The following KLF8 variants were observed in gnomAD, a reference collection of about 807,000 sequenced individuals.
KLF8 encodes the protein KLF transcription factor 8, also known as Krueppel-like factor 8.
In KLF8, 10 loss-of-function variants were observed where a neutral mutation model predicts 18.2. The ratio of observed to expected loss-of-function variants is 0.55; its 90% CI spans 0.34 to 0.93. The LOEUF (loss-of-function observed/expected upper bound fraction) is 0.93, where lower values mean the gene tolerates loss of function less well. Among genes scored for constraint, KLF8 ranks in the 40% least tolerant of loss-of-function variants. KLF8 has a pLI of 0.02. For missense variants in KLF8, 264 were observed against 277.9 expected, an observed-to-expected ratio of 0.95 and a Z score of 0.36; for synonymous variants, 109 against 97.3, an observed-to-expected ratio of 1.12 and a Z score of -0.71.
the KLF8 span, among the ~76,000 whole-genome samples, chrX:56,153,479 G>C: frequency 9.0e-6 from 1 of 111,580 alleles, no homozygotes; most frequent in Non-Finnish European, 1.9e-5. Context: ...TGTTGTTTTG[G>C]CTCAAACATA....
chrX:56,277,372 C>T (rs2147685199), intron 5 of KLF8, among the ~76,000 whole-genome samples: 1 of 112,257 alleles, frequency 8.9e-6, no homozygotes, highest in South Asian at 3.8e-4. Flanking sequence ...GGGGACACCC[C>T]AAGCCCAGAA....
chrX:56,276,876 A>G (rs921257191), intron 5 of KLF8, among the ~76,000 whole-genome samples: 2 of 111,119 alleles, frequency 1.8e-5, no homozygotes, highest in Non-Finnish European at 3.8e-5. Flanking sequence ...AAGGCCAATA[A>G]CTCTTAGATT....
chrX:55,996,013 G>T, the KLF8 span, among the ~76,000 whole-genome samples: 1 of 110,423 alleles, frequency 9.1e-6, no homozygotes, highest in Admixed American at 9.5e-5. Flanking sequence ...TCATAAGTTT[G>T]GTCTCTTTAC....
At chrX:56,006,679 T>C in the KLF8 span, among the ~76,000 whole-genome samples, 2 of 112,712 alleles carry the variant, frequency 1.8e-5, no homozygotes, top group African/African-American at 6.4e-5. Flanking sequence ...CACTTTTAAA[T>C]GGGATTATTT....
the KLF8 span, among the ~76,000 whole-genome samples, chrX:56,153,217 T>A: frequency 1.8e-5 from 2 of 110,916 alleles, no homozygotes; most frequent in African/African-American, 6.5e-5. Flanking sequence ...TAACGTTACC[T>A]GGGCATGGAG....
In KLF8 at chrX:56,250,300, A is replaced by G. The variant is rs1438658965; in HGVS notation, c.77A>G (p.Lys26Arg). 1.7e-6 allele frequency: 2 copies of G among 1,196,293 alleles called. No homozygotes were observed. Among genetic ancestry groups the G allele is most frequent in the Non-Finnish European group, 1.1e-6 (1 of 881,409 alleles). Residue 26 changes from lysine (K) to arginine (R), a missense_variant, in exon 2 of 6, where the codon AAG becomes AGG. Coordinates refer to ENST00000468660, the MANE Select transcript of KLF8 (RefSeq NM_007250.5). ...GAAGGTGGCTCAATGCAGGTATTCA[A>G]GCAGGTCAGTTATCAGGAAAATAGG... ...NSEGGSMQVF[K>R]QVTASVRNRD...
the KLF8 span, among the ~76,000 whole-genome samples, chrX:56,023,595 A>G: frequency 1.2e-4 from 13 of 111,495 alleles, no homozygotes; most frequent in Non-Finnish European, 1.7e-4. Flanking sequence ...ATATACCTTC[A>G]CCTAAACTGA....
chrX:56,173,353 G>A, the KLF8 span, among the ~76,000 whole-genome samples: 3 of 112,002 alleles, frequency 2.7e-5, no homozygotes, highest in East Asian at 2.8e-4. Flanking sequence ...TTGTTAAATA[G>A]GGAATTGTTT....
the KLF8 span, among the ~76,000 whole-genome samples, chrX:56,076,796 G>A: frequency 8.9e-6 from 1 of 111,817 alleles, no homozygotes; most frequent in East Asian, 2.8e-4. Flanking sequence ...ATCCTCTCCA[G>A]CACATGTTGT....
the KLF8 span, among the ~76,000 whole-genome samples, chrX:56,045,944 T>G: frequency 3.6e-5 from 4 of 111,949 alleles, no homozygotes; most frequent in East Asian, 1.1e-3. Context: ...GGGAATGCTT[T>G]CATCTTTTCC....
At chrX:56,200,216 G>A in the KLF8 span, among the ~76,000 whole-genome samples, 57,940 of 109,166 alleles carry the variant, frequency 0.53, 13,782 homozygotes, top group Non-Finnish European at 0.74. Flanking sequence ...ATGTACCGTA[G>A]AAGTTAAAGT....
the KLF8 span, chrX:55,962,486 C>G: frequency 4.8e-6 from 1 of 206,868 alleles, no homozygotes; most frequent in African/African-American, 3.0e-5. Flanking sequence ...CAAGTAATAT[C>G]ACTGGTGCAA....
At chrX:56,217,745 A>G in the KLF8 span, among the ~76,000 whole-genome samples, 1 of 111,779 alleles carries the variant, frequency 8.9e-6, no homozygotes, top group African/African-American at 3.3e-5. Context: ...AAAAGGCTAA[A>G]GATATTGGTT....
At chrX:56,226,805 G>A in the KLF8 span, among the ~76,000 whole-genome samples, 1 of 111,675 alleles carries the variant, frequency 9.0e-6, no homozygotes, top group Admixed American at 9.6e-5. Flanking sequence ...AATCTGCCTG[G>A]CTTACTCTTT....
chrX:56,128,702 C>G, the KLF8 span, among the ~76,000 whole-genome samples: 1 of 111,627 alleles, frequency 9.0e-6, no homozygotes, highest in African/African-American at 3.3e-5. Context: ...ATGTAATGTA[C>G]CAAATGGGAT....
the KLF8 span, among the ~76,000 whole-genome samples, chrX:56,035,378 C>T: frequency 8.9e-6 from 1 of 112,091 alleles, no homozygotes; most frequent in African/African-American, 3.2e-5. Context: ...TTCTTAGACA[C>T]TTAGGTCAAT....
chrX:56,152,622 A>G, the KLF8 span, among the ~76,000 whole-genome samples: 3 of 111,319 alleles, frequency 2.7e-5, no homozygotes, highest in Non-Finnish European at 5.7e-5. Flanking sequence ...AGCTGTGTGG[A>G]AATAAGTGGG....
chrX:56,150,369 G>T, the KLF8 span, among the ~76,000 whole-genome samples: 1 of 111,867 alleles, frequency 8.9e-6, no homozygotes, highest in Non-Finnish European at 1.9e-5. Flanking sequence ...TGACATGGAT[G>T]CTTATTTTTT....
chrX:56,043,992 C>G, the KLF8 span, among the ~76,000 whole-genome samples: 1 of 110,878 alleles, frequency 9.0e-6, no homozygotes, highest in South Asian at 3.7e-4. Context: ...TTTGTGGGTT[C>G]TTTTTTGTTG....
Sources: allele counts gnomAD v4.1 joint callset (sites outside exome capture counted in the v4.1 genomes callset), GRCh38; gene constraint gnomAD v4.1.1; transcripts MANE v1.5; gene names NCBI Gene and HGNC (gene_info 2026-07-23, HGNC 2026-07-21).